SNX29: variants seen among roughly 807,000 people sequenced by gnomAD.
SNX29 encodes sorting nexin-29.
Under a neutral mutation model 102.1 loss-of-function variants are expected in SNX29, and 78 were observed. That is an observed-to-expected ratio of 0.76 (90% CI 0.64 to 0.92). SNX29 has a LOEUF of 0.92. Among genes scored for constraint, SNX29 ranks in the 40% least tolerant of loss-of-function variants. The pLI is 0.00. For missense variants in SNX29, 1,280 were observed against 1,061.7 expected (o/e 1.21, Z -2.86); for synonymous variants, 580 against 414.5 (o/e 1.40, Z -4.85).
intron 11 of SNX29, among the ~76,000 whole-genome samples, 191 bp downstream of exon 11, chr16:12,079,106 G>A (rs879434774): frequency 1.3e-5 from 2 of 152,232 alleles, no homozygotes; most frequent in Non-Finnish European, 2.9e-5. Flanking sequence ...GCGCTTGGGC[G>A]TGTGCGCGCT....
At chr16:12,552,678 T>A (rs560839974) in intron 20 of SNX29, among the ~76,000 whole-genome samples, 3 of 152,036 alleles carry the variant, frequency 2.0e-5, no homozygotes, top group East Asian at 3.9e-4. Context: ...ATGCAGGGCG[T>A]TTACAAGGGT....
chr16:12,225,600 C>T lies in SNX29; in HGVS notation c.1678+25917C>T, dbSNP rs1303786561. ...TTAGACCTCTCTCTTTTGTAAGTTG[C>T]CCAGTCTTGGGTATGTCTTTATCAG... On this transcript the variant is annotated intron_variant, in intron 14 of 20. Transcript: ENST00000566228. Among the ~76,000 whole-genome samples the T allele has an allele frequency of 2.0e-5, 3 of 152,172 alleles. No individual in the cohort carries two copies. The East Asian group carries it at 5.8e-4, about 29-fold the overall frequency.
At chr16:12,374,589 C>T (rs926290392) in intron 16 of SNX29, 5 of 152,182 alleles carry the variant, frequency 3.3e-5, no homozygotes, top group Admixed American at 2.0e-4. Flanking sequence ...CTGGTGAGGT[C>T]TGAGGTTGAT....
At position 12,549,531 on chromosome 16, in the gene SNX29, A is replaced by ATATAGCCAGT. The variant is rs2077830762; in HGVS notation, c.2319-18975_2319-18974insTATAGCCAGT. Among the ~76,000 whole-genome samples the ATATAGCCAGT allele has an allele frequency of 8.9e-5, 3 of 33,664 alleles. No homozygotes were observed. In the Admixed American group the frequency reaches 1.2e-3, roughly 13 times the overall value. The allele number at this position is 33,664 out of a possible 152,430, so 22.1% of individuals were successfully genotyped here. ...CATGCCATTTTTCATCCTCTATCTC[A>ATATAGCCAGT]AATAGCCAGTAAGGCATGGAGTGGG... is the stretch of plus-strand genomic sequence containing the variant. On this transcript the variant is annotated intron_variant, in intron 20 of 20. Transcript: ENST00000566228.
At chr16:12,541,177 CAGTATT>C (rs1367249140) in intron 20 of SNX29, among the ~76,000 whole-genome samples, 3 of 152,160 alleles carry the variant, frequency 2.0e-5, no homozygotes, top group Admixed American at 6.5e-5. Context: ...ACCTCTTCCT[CAGTATT>C]GTCTATCCTG....
intron 3 of SNX29, among the ~76,000 whole-genome samples, chr16:12,004,015 G>A (rs2056377004): frequency 6.6e-6 from 1 of 151,888 alleles, no homozygotes; most frequent in South Asian, 2.1e-4. Flanking sequence ...CAGCCTGGGT[G>A]ACAGAGTGAG....
chr16:12,174,025 C>G (rs1183817438), intron 13 of SNX29, among the ~76,000 whole-genome samples: 2 of 152,226 alleles, frequency 1.3e-5, no homozygotes, highest in Non-Finnish European at 2.9e-5. Flanking sequence ...AGTGGTCCCC[C>G]CCAACCTTGG....
chr16:12,497,240 G>C (rs757925067), intron 19 of SNX29, among the ~76,000 whole-genome samples: 40 of 152,320 alleles, frequency 2.6e-4, no homozygotes, highest in African/African-American at 7.0e-4. Flanking sequence ...TAAACGAAAA[G>C]CTTCATTAAT....
At chr16:12,403,809 T>G (rs1276898917) in intron 18 of SNX29, among the ~76,000 whole-genome samples, 1 of 152,188 alleles carries the variant, frequency 6.6e-6, no homozygotes, top group South Asian at 2.1e-4. Flanking sequence ...AGATGTGTGT[T>G]TGCTTGTTTT....
intron 18 of SNX29, among the ~76,000 whole-genome samples, chr16:12,409,008 G>A (rs955310744): frequency 1.3e-5 from 2 of 152,230 alleles, no homozygotes; most frequent in Non-Finnish European, 2.9e-5. Context: ...GTGTTCCTGT[G>A]TCCTGAGAGG....
rs771530811 is a variant in SNX29, at chr16:12,477,763, G to T, written c.2082G>T (p.Arg694=). The change falls in exon 19 of 21, where the codon CGG becomes CGT. Residue 694 remains arginine (R), a synonymous_variant. Coordinates refer to ENST00000566228, the MANE Select transcript of SNX29 (RefSeq NM_032167.5). ...ACGATGAATGGAATATTTATCGCCG[G>T]TATACAGAGTTCAGGAGTTTGCACC... The part of the protein sequence containing the change: ...IKDDEWNIYR[R]YTEFRSLHHK... 6.2e-7 allele frequency: 1 copy of T among 1,613,294 alleles called. No homozygotes were observed. Among genetic ancestry groups the T allele is most frequent in the Non-Finnish European group, 8.5e-7 (1 of 1,179,682 alleles).
chr16:12,421,439 A>C (rs896823991), intron 18 of SNX29, among the ~76,000 whole-genome samples: 1 of 152,186 alleles, frequency 6.6e-6, no homozygotes, highest in African/African-American at 2.4e-5. Flanking sequence ...TGAATACTTA[A>C]AAGCCAGCTG....
chr16:12,342,490 T>C (rs1465752588), intron 15 of SNX29, among the ~76,000 whole-genome samples: 3 of 152,218 alleles, frequency 2.0e-5, no homozygotes, highest in African/African-American at 7.2e-5. Context: ...TCCATGTTGT[T>C]GTTTTAAACT....
At chr16:12,396,824 G>T (rs372527279) in intron 16 of SNX29, among the ~76,000 whole-genome samples, 4 of 152,190 alleles carry the variant, frequency 2.6e-5, no homozygotes, top group African/African-American at 9.6e-5. Flanking sequence ...GATATATAAT[G>T]TATCTGCTTA....
At chr16:11,985,165 T>G (rs976114423) in intron 1 of SNX29, among the ~76,000 whole-genome samples, 3 of 152,292 alleles carry the variant, frequency 2.0e-5, no homozygotes, top group African/African-American at 7.2e-5. Flanking sequence ...GTGGTTGCAC[T>G]AGTTTCAATG....
intron 14 of SNX29, among the ~76,000 whole-genome samples, chr16:12,204,816 T>C (rs1197951939): frequency 6.6e-6 from 1 of 152,254 alleles, no homozygotes; most frequent in East Asian, 1.9e-4. Flanking sequence ...TGCTTCGTGC[T>C]CTCACTGGGG....
At chr16:12,517,713 T>TG in intron 19 of SNX29, among the ~76,000 whole-genome samples, 1 of 151,562 alleles carries the variant, frequency 6.6e-6, no homozygotes, top group South Asian at 2.1e-4. Context: ...GCAAGGGAGG[T>TG]GGGGGAGTTA....
intron 19 of SNX29, among the ~76,000 whole-genome samples, chr16:12,483,602 A>ACCACATCT (rs2088081062): frequency 6.6e-6 from 1 of 152,202 alleles, no homozygotes; most frequent in Non-Finnish European, 1.5e-5. Context: ...GGCGTGAGCC[A>ACCACATCT]CCACATCTGG....
At chr16:12,306,037 C>T (rs1343338681) in intron 15 of SNX29, among the ~76,000 whole-genome samples, 1 of 151,926 alleles carries the variant, frequency 6.6e-6, no homozygotes, top group Non-Finnish European at 1.5e-5. Context: ...CCTGACTCAC[C>T]ATCTGTCTCA....
Sources: allele counts gnomAD v4.1 joint callset (sites outside exome capture counted in the v4.1 genomes callset), GRCh38; gene constraint gnomAD v4.1.1; transcripts MANE v1.5; gene names NCBI Gene and HGNC (gene_info 2026-07-23, HGNC 2026-07-21).